Variants in PVT1 observed in about 807,000 individuals in gnomAD.
PVT1 encodes Pvt1 oncogene.
At chr8:127,932,500 G>A (rs146815138) in intron 3 of PVT1, 274 of 398,526 alleles carry the variant, frequency 6.9e-4, no homozygotes, top group African/African-American at 5.1e-3. Flanking sequence ...AATCAGCCCC[G>A]TTTATTCCTC....
At chr8:127,818,843 G>A (rs778302138) in intron 2 of PVT1, among the ~76,000 whole-genome samples, 2 of 151,828 alleles carry the variant, frequency 1.3e-5, no homozygotes, top group Non-Finnish European at 2.9e-5. Flanking sequence ...GCTGGCATGT[G>A]GTAGGTGCTC....
At chr8:127,867,433 C>G (rs1327543683) in intron 2 of PVT1, among the ~76,000 whole-genome samples, 1 of 152,194 alleles carries the variant, frequency 6.6e-6, no homozygotes, top group Non-Finnish European at 1.5e-5. Flanking sequence ...GCACATTCCT[C>G]GGCAGTATCC....
intron 4 of PVT1, among the ~76,000 whole-genome samples, chr8:128,044,765 G>A (rs973858077): frequency 1.3e-5 from 2 of 152,180 alleles, no homozygotes; most frequent in South Asian, 4.1e-4. Flanking sequence ...ATGAGTGGTG[G>A]CTATTTACTA....
chr8:128,077,174 G>A (rs1412870882), intron 5 of PVT1, among the ~76,000 whole-genome samples: 1 of 152,242 alleles, frequency 6.6e-6, no homozygotes, highest in South Asian at 2.1e-4. Flanking sequence ...GTAAATGGGT[G>A]TGAAGCCACG....
chr8:127,841,570 C>T (rs7843993), intron 2 of PVT1, among the ~76,000 whole-genome samples: 5,374 of 152,156 alleles, frequency 0.035, 256 homozygotes, highest in East Asian at 0.14. Flanking sequence ...TTATTAGCTC[C>T]ATTTTATAGG....
chr8:127,916,919 A>G (rs115991131), intron 3 of PVT1, among the ~76,000 whole-genome samples: 1 of 152,174 alleles, frequency 6.6e-6, no homozygotes, highest in Admixed American at 6.5e-5. Context: ...TTCGGTTCTG[A>G]TAGCAGGATG....
intron 4 of PVT1, among the ~76,000 whole-genome samples, chr8:128,002,855 G>C (rs758104269): frequency 6.6e-6 from 1 of 152,026 alleles, no homozygotes; most frequent in South Asian, 2.1e-4. Context: ...AGGAGAAAAT[G>C]TTACAACTTC....
intron 3 of PVT1, among the ~76,000 whole-genome samples, chr8:127,894,454 C>T (rs1231124440): frequency 3.9e-5 from 6 of 152,142 alleles, no homozygotes; most frequent in Non-Finnish European, 8.8e-5. Context: ...AAAGCTGCCA[C>T]GGTTACTGAT....
At chr8:127,832,708 A>C (rs1323431896) in intron 2 of PVT1, among the ~76,000 whole-genome samples, 3 of 152,142 alleles carry the variant, frequency 2.0e-5, no homozygotes, top group Admixed American at 1.3e-4. Flanking sequence ...AATACAAAAA[A>C]TTAGCCGGGC....
chr8:128,099,679 C>T (rs959179405), intron 6 of PVT1: 5 of 152,164 alleles, frequency 3.3e-5, no homozygotes, highest in Non-Finnish European at 7.3e-5. Flanking sequence ...TACCAGTAAT[C>T]ACCCCAGTCA....
At chr8:127,981,618 A>G (rs1034912987) in intron 3 of PVT1, among the ~76,000 whole-genome samples, 1 of 152,160 alleles carries the variant, frequency 6.6e-6, no homozygotes, top group African/African-American at 2.4e-5. Flanking sequence ...AAGTGGGAGG[A>G]TGTTTTTGAG....
At chr8:128,081,990 C>G (rs1041710526) in intron 5 of PVT1, among the ~76,000 whole-genome samples, 5 of 152,048 alleles carry the variant, frequency 3.3e-5, no homozygotes, top group Non-Finnish European at 5.9e-5. Context: ...TCAGGCCTAC[C>G]CACTACTGAC....
rs868589403 is a variant in PVT1 at position 128,014,340 on chromosome 8, T to C, written n.912+25049T>C. Among the ~76,000 whole-genome samples the C allele has an allele frequency of 2.6e-5, 4 of 152,342 alleles. No individual in the cohort carries two copies. In the South Asian group the frequency reaches 8.3e-4, roughly 32 times the overall value. On this transcript the variant is annotated intron_variant and non_coding_transcript_variant, in intron 4 of 10. Transcript: ENST00000651587. Reference sequence around the variant, plus strand: ...CCTCAATGCTCACATTCTAGAATCCTGTGATGGGTGCTGAAACAACGCTCC... The same window carrying C: ...CCTCAATGCTCACATTCTAGAATCCCGTGATGGGTGCTGAAACAACGCTCC...
chr8:127,987,376 C>G (rs1816981889), intron 3 of PVT1, among the ~76,000 whole-genome samples: 1 of 152,200 alleles, frequency 6.6e-6, no homozygotes, highest in South Asian at 2.1e-4. Context: ...AAGCCCCAGG[C>G]TTTGGCCCAA....
At chr8:127,990,198 T>TC (rs1817017052) in intron 4 of PVT1, among the ~76,000 whole-genome samples, 1 of 151,952 alleles carries the variant, frequency 6.6e-6, no homozygotes, top group South Asian at 2.1e-4. Context: ...CAGAGTTGAT[T>TC]CCCCCCTCCC....
At chr8:127,922,043 T>G (rs1816067365) in intron 3 of PVT1, among the ~76,000 whole-genome samples, 1 of 151,468 alleles carries the variant, frequency 6.6e-6, no homozygotes, top group East Asian at 2.0e-4. Context: ...GTATTTTTAG[T>G]AGAGACGGTG....
chr8:127,831,493 G>A (rs529614925), intron 2 of PVT1, among the ~76,000 whole-genome samples: 1 of 152,288 alleles, frequency 6.6e-6, no homozygotes, highest in African/African-American at 2.4e-5. Flanking sequence ...TCTGGGAATT[G>A]AGACCATCAT....
rs140198457 is a variant in PVT1 at position 127,898,221 on chromosome 8, AAAAGAAAG to A, written n.782+7239_782+7246del. Among the ~76,000 whole-genome samples the A allele has an allele frequency of 2.6e-5, 4 of 151,960 alleles. No individual in the cohort carries two copies. Among genetic ancestry groups the A allele is most frequent in the African/African-American group, 7.3e-5 (3 of 41,374 alleles). ...CGTGAAGAAAGAAGAGAAAAGAAAG[AAAAGAAAG>A]AAAGAAAGAAAGAAACGAAGGAAGG... On this transcript the variant is annotated intron_variant and non_coding_transcript_variant, in intron 3 of 10. Coordinates refer to ENST00000651587, the Ensembl canonical transcript of PVT1. This position sits in a 1 kb window ranked among gnomAD's most constrained non-coding sequence, Gnocchi z 4.4.
intron 2 of PVT1, among the ~76,000 whole-genome samples, chr8:127,839,522 C>G (rs1386051043): frequency 6.8e-6 from 1 of 147,536 alleles, no homozygotes; most frequent in Non-Finnish European, 1.5e-5. Context: ...TGCACTCCAG[C>G]CTGGGTGAGA....
Sources: allele counts gnomAD v4.1 joint callset (sites outside exome capture counted in the v4.1 genomes callset), GRCh38; gene constraint gnomAD v4.1.1; non-coding constraint Gnocchi (gnomAD v3.1); transcripts MANE v1.5; gene names NCBI Gene and HGNC (gene_info 2026-07-23, HGNC 2026-07-21).